Variants in ANKRD27 observed in about 807,000 individuals in gnomAD.
ANKRD27 encodes the protein ankyrin repeat domain-containing protein 27.
In ANKRD27, 112 loss-of-function variants were observed where a neutral mutation model predicts 129.7. The ratio of observed to expected loss-of-function variants is 0.86; its 90% confidence interval spans 0.74 to 1.01. The LOEUF is 1.01. ANKRD27 is among the 50% of genes least tolerant of loss of function. ANKRD27 has a pLI of 0.00. For synonymous variants in ANKRD27, 516 were observed against 511.2 expected (o/e 1.01, Z -0.13); for missense variants, 1,258 against 1,300.5 (o/e 0.97, Z 0.50).
chr19:32,628,603 G>A, intron 14 of ANKRD27, 119 bp downstream of exon 14: 1 of 1,294,540 alleles, frequency 7.7e-7, no homozygotes, highest in South Asian at 1.4e-5. Context: ...TACAGCAGAG[G>A]CAGCTGGGGG....
At chr19:32,642,403 C>A (rs1568411793) in intron 9 of ANKRD27, among the ~76,000 whole-genome samples, 1 of 152,034 alleles carries the variant, frequency 6.6e-6, no homozygotes. Flanking sequence ...GGGAAACAAC[C>A]CAAAGAGGGT....
intron 13 of ANKRD27, among the ~76,000 whole-genome samples, chr19:32,629,881 C>T (rs1406817475): frequency 7.9e-6 from 1 of 125,928 alleles, no homozygotes; most frequent in Non-Finnish European, 1.6e-5. Flanking sequence ...TGAATCCCTA[C>T]AGGGTGACAA....
chr19:32,604,554 G>C (rs1007347449), intron 24 of ANKRD27, 130 bp from the exon 25 acceptor site: 24 of 982,348 alleles, frequency 2.4e-5, no homozygotes, highest in African/African-American at 3.3e-5. Context: ...TTAAAATTTG[G>C]GGAGGAAAAG....
chr19:32,669,516 C>T (rs1967825921), intron 1 of ANKRD27, among the ~76,000 whole-genome samples: 1 of 152,108 alleles, frequency 6.6e-6, no homozygotes, highest in Admixed American at 6.6e-5. Flanking sequence ...TAAAGATGCT[C>T]TGGATGAAAG....
At position 32,631,393 on chromosome 19, in the gene ANKRD27, G is replaced by A; in HGVS notation, c.1209+9C>T. 3.1e-6 allele frequency: 5 copies of A among 1,611,158 alleles called. No homozygotes were observed. The South Asian group carries it at 4.4e-5, about 14-fold the overall frequency. On this transcript the variant is annotated intron_variant, in intron 13 of 28. Coordinates refer to ENST00000306065, the MANE Select transcript of ANKRD27 (RefSeq NM_032139.3). ...CACATTTACCCACAGAGATGTCTTGGTATCTCACCTTAAACAGGCAGTCGG... is the reference window on the plus strand; with the variant it reads ...CACATTTACCCACAGAGATGTCTTGATATCTCACCTTAAACAGGCAGTCGG...
At chr19:32,615,810 C>G in intron 21 of ANKRD27, 30 bp from the exon 22 acceptor site, 1 of 1,604,786 alleles carries the variant, frequency 6.2e-7, no homozygotes. Flanking sequence ...GAAACAGGAA[C>G]ACATCCTCAG....
intron 6 of ANKRD27, 41 bp downstream of exon 6, chr19:32,643,531 G>A: frequency 6.2e-7 from 1 of 1,613,696 alleles, no homozygotes; most frequent in Non-Finnish European, 8.5e-7. Context: ...TTTGCATGGG[G>A]GTGCACCACA....
chr19:32,640,993 G>A (rs572173137), intron 10 of ANKRD27, among the ~76,000 whole-genome samples: 7 of 152,188 alleles, frequency 4.6e-5, no homozygotes, highest in African/African-American at 1.7e-4. Flanking sequence ...CCGCCTCCCG[G>A]GTTCACGCCA....
chr19:32,631,366 C>G (rs1385815120), intron 13 of ANKRD27, 36 bp downstream of exon 13: 1 of 1,574,706 alleles, frequency 6.4e-7, no homozygotes, highest in Non-Finnish European at 8.7e-7. Context: ...GTGTTCCTCA[C>G]CCACATTTAC....
At chr19:32,638,136 CT>C (rs1160983446) in intron 12 of ANKRD27, 2 of 152,358 alleles carry the variant, frequency 1.3e-5, no homozygotes, top group Non-Finnish European at 2.9e-5. Flanking sequence ...GGGGGCCGGG[CT>C]GTCAGTCCCA....
At chr19:32,623,410 T>C (rs1972043057) in intron 17 of ANKRD27, among the ~76,000 whole-genome samples, 1 of 152,148 alleles carries the variant, frequency 6.6e-6, no homozygotes, top group Non-Finnish European at 1.5e-5. Context: ...AGAAGGTGCT[T>C]ACAGGACTAG....
intron 2 of ANKRD27, among the ~76,000 whole-genome samples, chr19:32,650,622 T>C (rs1051042461): frequency 3.3e-5 from 5 of 150,896 alleles, no homozygotes; most frequent in African/African-American, 1.2e-4. Context: ...TTGCAGTGAG[T>C]TGAGATCACA....
chr19:32,614,525 G>A (rs1010942547), intron 22 of ANKRD27, among the ~76,000 whole-genome samples: 6 of 151,862 alleles, frequency 4.0e-5, no homozygotes, highest in Non-Finnish European at 8.8e-5. Context: ...CCAACATGGT[G>A]AAACCCTGTC....
chr19:32,602,158 G>T, intron 25 of ANKRD27, 32 bp from the exon 26 acceptor site: 1 of 1,332,564 alleles, frequency 7.5e-7, no homozygotes. Context: ...GAACAGTAAT[G>T]TTTTTATTCT....
chr19:32,665,801 G>T (rs1048041557), intron 1 of ANKRD27, among the ~76,000 whole-genome samples: 4 of 150,108 alleles, frequency 2.7e-5, no homozygotes, highest in African/African-American at 9.8e-5. Flanking sequence ...TTGCTCTGCT[G>T]CCCAGGCTGG....
intron 17 of ANKRD27, among the ~76,000 whole-genome samples, chr19:32,625,232 G>T (rs12610727): frequency 1.3e-5 from 2 of 151,928 alleles, no homozygotes; most frequent in South Asian, 2.1e-4. Flanking sequence ...CTCCAGCCTA[G>T]GTGCCAGAGT....
chr19:32,625,594 C>T (rs1226970556), intron 17 of ANKRD27, among the ~76,000 whole-genome samples: 1 of 151,916 alleles, frequency 6.6e-6, no homozygotes, highest in African/African-American at 2.4e-5. Context: ...CCACGCCCTG[C>T]TAATTTTTGT....
chr19:32,642,557 G>A (rs1967221956), intron 9 of ANKRD27, among the ~76,000 whole-genome samples: 1 of 152,026 alleles, frequency 6.6e-6, no homozygotes, highest in South Asian at 2.1e-4. Context: ...GGCCAACATG[G>A]TGAAACCCCA....
Position 32,631,625 on chromosome 19 carries a change from C to A in ANKRD27, c.1117-131G>T. ...GCCTCTCTCCCGTCTCATATGGGACCTGCTCACTGAGACGGAGGACGGGCT... is the reference window on the plus strand; with the variant it reads ...GCCTCTCTCCCGTCTCATATGGGACATGCTCACTGAGACGGAGGACGGGCT... On this transcript the variant is annotated intron_variant, in intron 12 of 28. Coordinates refer to ENST00000306065, the MANE Select transcript of ANKRD27 (RefSeq NM_032139.3). 3 of 712,414 alleles carry A rather than the reference C, an allele frequency of 4.2e-6. No homozygotes were observed. The East Asian group carries it at 8.3e-5, about 20-fold the overall frequency. The allele number at this position is 712,414 out of a possible 1,614,324, so 44.1% of individuals were successfully genotyped here.
Sources: gnomAD v4.1 joint callset for allele counts (sites outside exome capture counted in the v4.1 genomes callset) on GRCh38, gnomAD v4.1.1 for gene constraint, MANE v1.5 for transcripts, NCBI Gene and HGNC (gene_info 2026-07-23, HGNC 2026-07-21) for gene names.